Variants in SASH1 observed in about 807,000 individuals in gnomAD.
SASH1 encodes SAM and SH3 domain-containing protein 1.
Under a neutral mutation model 125.2 loss-of-function variants are expected in SASH1, and 44 were observed. The observed-to-expected ratio is 0.35, with a 90% CI of 0.28 to 0.45. The LOEUF is 0.45. SASH1 is among the 20% of genes least tolerant of loss of function. The pLI is 1.00. For synonymous variants in SASH1, 639 were observed against 649.1 expected (o/e 0.98, Z 0.24); for missense variants, 1,426 against 1,614.5 (o/e 0.88, Z 2.00).
intron 1 of SASH1, among the ~76,000 whole-genome samples, chr6:148,283,118 T>C (rs1779388469): frequency 6.6e-6 from 1 of 152,218 alleles, no homozygotes; most frequent in Non-Finnish European, 1.5e-5. Flanking sequence ...GAAGATTTAC[T>C]TCTTCCTTCT....
At chr6:148,298,474 T>A (rs886350930) in intron 1 of SASH1, among the ~76,000 whole-genome samples, 11 of 152,144 alleles carry the variant, frequency 7.2e-5, no homozygotes, top group African/African-American at 2.6e-4. Flanking sequence ...TACAAAAGAA[T>A]GTTTTTTAAC....
chr6:148,449,078 C>CATTTCTTTTTCTTTTTTTTTTT (rs763181287), intron 4 of SASH1, among the ~76,000 whole-genome samples: 4 of 88,736 alleles, frequency 4.5e-5, no homozygotes, highest in African/African-American at 1.7e-4. Context: ...CATTTCATTT[C>CATTTCTTTTTCTTTTTTTTTTT]TTTTTTTTTT....
At chr6:148,193,522 A>T in the SASH1 span, among the ~76,000 whole-genome samples, 1 of 152,320 alleles carries the variant, frequency 6.6e-6, no homozygotes, top group East Asian at 1.9e-4. Context: ...GTGCTCAGTC[A>T]CTTGAGCAGC....
intron 1 of SASH1, among the ~76,000 whole-genome samples, chr6:148,387,635 T>TCGGCATC (rs770000748): frequency 2.0e-5 from 1 of 50,362 alleles, no homozygotes; most frequent in Non-Finnish European, 4.2e-5. Context: ...TTTCTTTCTT[T>TCGGCATC]CTTTCTTTCT....
the SASH1 span, among the ~76,000 whole-genome samples, chr6:148,238,824 A>G: frequency 6.6e-6 from 1 of 152,042 alleles, no homozygotes; most frequent in Non-Finnish European, 1.5e-5. Context: ...TTCCTCTGCT[A>G]CTCACCCAGC....
Position 148,493,382 on chromosome 6 carries a change from A to C in SASH1, c.729+5667A>C, listed in dbSNP as rs1057384312. On this transcript the variant is annotated intron_variant, in intron 8 of 19. Coordinates refer to ENST00000367467, the MANE Select transcript of SASH1 (RefSeq NM_015278.5). ...ATTATTTTAGATTTTCCTCTGTGGC[A>C]GAGCAGTTAATTTCAGAATTCAGCC... Among the ~76,000 whole-genome samples, 3 of 152,224 alleles carry C rather than the reference A, an allele frequency of 2.0e-5. No homozygotes were observed. In the South Asian group the frequency reaches 6.2e-4, roughly 31 times the overall value.
At chr6:148,383,508 A>G (rs1024863398) in intron 1 of SASH1, among the ~76,000 whole-genome samples, 2 of 152,200 alleles carry the variant, frequency 1.3e-5, no homozygotes, top group African/African-American at 2.4e-5. Context: ...AGCAACACAC[A>G]TGAGTTTTCC....
At chr6:148,297,196 G>A (rs75192089) in intron 1 of SASH1, among the ~76,000 whole-genome samples, 1,796 of 152,294 alleles carry the variant, frequency 0.012, 15 homozygotes, top group Middle Eastern at 0.027. Context: ...GGGAGCAGCC[G>A]ACCTTCCAGA....
intron 2 of SASH1, among the ~76,000 whole-genome samples, chr6:148,404,484 G>A (rs564057364): frequency 2.0e-5 from 3 of 151,930 alleles, no homozygotes; most frequent in African/African-American, 7.2e-5. Flanking sequence ...CATAAAAACC[G>A]GTACAATAGA....
chr6:148,516,613 C>T (rs73015038), intron 9 of SASH1, among the ~76,000 whole-genome samples: 11,961 of 151,660 alleles, frequency 0.079, 621 homozygotes, highest in Non-Finnish European at 0.11. Context: ...GAGGGCACAC[C>T]GTGTGCCAGG....
At chr6:148,263,273 G>T in the SASH1 span, among the ~76,000 whole-genome samples, 1 of 152,218 alleles carries the variant, frequency 6.6e-6, no homozygotes, top group African/African-American at 2.4e-5. Flanking sequence ...GCCTGTGCCT[G>T]CCTGTGGAGA....
At chr6:148,539,598 C>G (rs1212406701) in intron 16 of SASH1, among the ~76,000 whole-genome samples, 3 of 152,128 alleles carry the variant, frequency 2.0e-5, no homozygotes, top group African/African-American at 7.2e-5. Context: ...TTTATCCACT[C>G]AGAATGAGGA....
At chr6:148,382,611 T>A (rs1783188555) in intron 1 of SASH1, among the ~76,000 whole-genome samples, 2 of 152,112 alleles carry the variant, frequency 1.3e-5, no homozygotes, top group Non-Finnish European at 2.9e-5. Flanking sequence ...TTTCCTGCTA[T>A]TTTTTTCCTT....
chr6:148,482,688 A>ATTTGTTTTTT (rs1778678905), intron 7 of SASH1, among the ~76,000 whole-genome samples: 1 of 99,922 alleles, frequency 1.0e-5, no homozygotes, highest in Non-Finnish European at 1.9e-5. Flanking sequence ...CACCTGGCTA[A>ATTTGTTTTTT]TTTTTTTTTT....
At chr6:148,486,836 C>T (rs1778867859) in intron 7 of SASH1, among the ~76,000 whole-genome samples, 1 of 146,284 alleles carries the variant, frequency 6.8e-6, no homozygotes, top group Non-Finnish European at 1.5e-5. Context: ...GGGGTGGGAT[C>T]GCTTGAGCCT....
chr6:148,254,991 A>C, the SASH1 span, among the ~76,000 whole-genome samples: 1 of 152,210 alleles, frequency 6.6e-6, no homozygotes, highest in Non-Finnish European at 1.5e-5. Context: ...AAACCAAATG[A>C]GATGTATTTA....
At chr6:148,353,088 A>T (rs112182193) in intron 1 of SASH1, among the ~76,000 whole-genome samples, 219 of 152,124 alleles carry the variant, frequency 1.4e-3, no homozygotes, top group African/African-American at 4.8e-3. Context: ...TGTTTTTCAG[A>T]GGCAGGGTCT....
intron 1 of SASH1, chr6:148,272,457 A>C: frequency 2.3e-6 from 1 of 444,422 alleles, no homozygotes; most frequent in Non-Finnish European, 4.8e-6. Flanking sequence ...TCAGGAAAGG[A>C]CTATTGTGGG....
intron 1 of SASH1, among the ~76,000 whole-genome samples, chr6:148,375,300 A>T (rs1169443919): frequency 6.6e-6 from 1 of 151,996 alleles, no homozygotes; most frequent in Non-Finnish European, 1.5e-5. Flanking sequence ...CCACAACATG[A>T]TGTTGTGGGA....
Sources: gnomAD v4.1 joint callset for allele counts (sites outside exome capture counted in the v4.1 genomes callset) on GRCh38, gnomAD v4.1.1 for gene constraint, MANE v1.5 for transcripts, NCBI Gene and HGNC (gene_info 2026-07-23, HGNC 2026-07-21) for gene names.